FAF1: variants seen among roughly 807,000 people sequenced by gnomAD.
FAF1 encodes the protein Fas associated factor 1, also known as FAS-associated factor 1.
Under a neutral mutation model 92.5 loss-of-function variants are expected in FAF1, and 25 were observed. That is an observed-to-expected ratio of 0.27 (90% CI 0.20 to 0.38). FAF1 has a LOEUF of 0.38. Among genes scored for constraint, FAF1 ranks in the 10% least tolerant of loss-of-function variants. FAF1 has a pLI of 1.00. For synonymous variants in FAF1, 234 were observed against 273.2 expected (o/e 0.86, Z 1.42); for missense variants, 636 against 793.3 (o/e 0.80, Z 2.38).
intron 17 of FAF1, among the ~76,000 whole-genome samples, chr1:50,485,667 CAAAAAAAAAAAAAAA>C (rs999538430): frequency 3.6e-4 from 5 of 13,716 alleles, no homozygotes; most frequent in Non-Finnish European, 6.8e-4. Context: ...GAGACTGTCT[CAAAAAAAAAAAAAAA>C]AAAAAAAAAA....
At chr1:50,480,845 T>C (rs1646692191) in intron 17 of FAF1, among the ~76,000 whole-genome samples, 6 of 152,228 alleles carry the variant, frequency 3.9e-5, no homozygotes, top group South Asian at 4.1e-4. Flanking sequence ...TCAGAAGGTA[T>C]TCCAGAAGAA....
chr1:50,773,181 G>A (rs1471903471), intron 4 of FAF1, among the ~76,000 whole-genome samples: 2 of 152,214 alleles, frequency 1.3e-5, no homozygotes, highest in African/African-American at 4.8e-5. Context: ...GCTCAGCTGG[G>A]GAAAATTGTT....
chr1:50,568,050 A>G (rs1193922100), intron 12 of FAF1, among the ~76,000 whole-genome samples: 1 of 152,136 alleles, frequency 6.6e-6, no homozygotes, highest in Non-Finnish European at 1.5e-5. Context: ...TATAATAAAA[A>G]CAATGGCTAT....
rs141854245 is a variant in FAF1 at position 50,826,321 on chromosome 1, C to T, written c.115-24644G>A. ...ATCCCAGCACTTTTGGAGGCTGAAGCGGGTGGATCACTTGAGATCTGGAGT... is the reference window on the plus strand; with the variant it reads ...ATCCCAGCACTTTTGGAGGCTGAAGTGGGTGGATCACTTGAGATCTGGAGT... On this transcript the variant is annotated intron_variant, in intron 2 of 18. Coordinates refer to ENST00000396153, the MANE Select transcript of FAF1 (RefSeq NM_007051.3). 7.8e-3 allele frequency among the ~76,000 whole-genome samples: 1,183 copies of T among 152,176 alleles called. 13 individuals carry two copies. The highest frequency in any genetic ancestry group is 0.027 in the African/African-American group (1,138 of 41,518).
intron 8 of FAF1, among the ~76,000 whole-genome samples, chr1:50,632,233 A>C (rs1653823420): frequency 6.6e-6 from 1 of 152,218 alleles, no homozygotes; most frequent in Non-Finnish European, 1.5e-5. Flanking sequence ...CACTAGTCTG[A>C]AGGTTACCTT....
chr1:50,629,161 CT>C (rs759732173), intron 8 of FAF1, among the ~76,000 whole-genome samples: 6,672 of 110,672 alleles, frequency 0.06, 51 homozygotes, highest in East Asian at 0.074. Flanking sequence ...CAGATAGATG[CT>C]TTTTTTTTTT....
intron 2 of FAF1, among the ~76,000 whole-genome samples, chr1:50,806,292 A>T (rs1179267745): frequency 6.6e-6 from 1 of 152,230 alleles, no homozygotes; most frequent in African/African-American, 2.4e-5. Context: ...TCATCAAACA[A>T]ATACAAGCTA....
intron 7 of FAF1, among the ~76,000 whole-genome samples, chr1:50,704,216 A>G (rs899735158): frequency 4.6e-5 from 7 of 152,150 alleles, no homozygotes; most frequent in African/African-American, 1.7e-4. Flanking sequence ...TATCTGCTGA[A>G]TAGTCCTTTC....
intron 15 of FAF1, among the ~76,000 whole-genome samples, chr1:50,534,029 T>A (rs896513141): frequency 6.6e-6 from 1 of 152,156 alleles, no homozygotes; most frequent in Non-Finnish European, 1.5e-5. Flanking sequence ...TCAGGATCCA[T>A]GTTCTCTACA....
At chr1:50,818,901 C>T (rs529022369) in intron 2 of FAF1, among the ~76,000 whole-genome samples, 1 of 151,654 alleles carries the variant, frequency 6.6e-6, no homozygotes, top group East Asian at 1.9e-4. Context: ...TTCATTTATG[C>T]TTCATATATA....
intron 2 of FAF1, among the ~76,000 whole-genome samples, chr1:50,844,799 G>A (rs956695188): frequency 3.9e-5 from 6 of 151,978 alleles, no homozygotes; most frequent in African/African-American, 1.5e-4. Context: ...ATTATAAAGG[G>A]GCTGTCAGTG....
At chr1:50,555,763 T>C (rs1020707290) in intron 13 of FAF1, among the ~76,000 whole-genome samples, 3 of 152,030 alleles carry the variant, frequency 2.0e-5, no homozygotes, top group Non-Finnish European at 4.4e-5. Flanking sequence ...CACTACTGAG[T>C]ACCCAAAGGA....
At chr1:50,695,453 G>A (rs1282394160) in intron 7 of FAF1, among the ~76,000 whole-genome samples, 2 of 151,902 alleles carry the variant, frequency 1.3e-5, no homozygotes, top group Non-Finnish European at 2.9e-5. Flanking sequence ...CTTATTTCCA[G>A]CAGAGAACAA....
chr1:50,475,712 GAGA>G (rs1646631201), intron 17 of FAF1, 33 bp from the exon 18 acceptor site: 1 of 1,470,818 alleles, frequency 6.8e-7, no homozygotes, highest in Non-Finnish European at 9.4e-7. Context: ...GTTAAAATGT[GAGA>G]AGGACTGGAC....
intron 15 of FAF1, among the ~76,000 whole-genome samples, chr1:50,518,106 A>G: frequency 6.6e-6 from 1 of 152,232 alleles, no homozygotes; most frequent in Non-Finnish European, 1.5e-5. Context: ...CCCTTGTGGT[A>G]TCCCTTGCAG....
At chr1:50,957,748 G>A (rs1000123438) in intron 1 of FAF1, among the ~76,000 whole-genome samples, 2 of 151,928 alleles carry the variant, frequency 1.3e-5, no homozygotes, top group Non-Finnish European at 2.9e-5. Flanking sequence ...GCCAATATAA[G>A]GTTAACAGTT....
chr1:50,910,549 G>C (rs567610992), intron 1 of FAF1, among the ~76,000 whole-genome samples: 3 of 152,212 alleles, frequency 2.0e-5, no homozygotes, highest in Non-Finnish European at 4.4e-5. Flanking sequence ...TCGAGCTTCC[G>C]GGCCACTTTG....
At chr1:50,554,034 C>A (rs913945843) in intron 13 of FAF1, among the ~76,000 whole-genome samples, 1 of 151,706 alleles carries the variant, frequency 6.6e-6, no homozygotes, top group South Asian at 2.1e-4. Context: ...GCTAAGGACA[C>A]GTCTAATCCC....
chr1:50,885,203 C>G (rs929549271), intron 1 of FAF1, among the ~76,000 whole-genome samples: 3 of 151,754 alleles, frequency 2.0e-5, no homozygotes, highest in African/African-American at 7.3e-5. Context: ...TTTATCTTTT[C>G]AAAAAAACCA....
Sources: allele counts gnomAD v4.1 joint callset (sites outside exome capture counted in the v4.1 genomes callset), GRCh38; gene constraint gnomAD v4.1.1; transcripts MANE v1.5; gene names NCBI Gene and HGNC (gene_info 2026-07-23, HGNC 2026-07-21).